Variants in FARSB observed in about 807,000 individuals in gnomAD.
FARSB encodes phenylalanine--tRNA ligase beta subunit.
Under a neutral mutation model 69.6 loss-of-function variants are expected in FARSB, and 40 were observed. That is an observed-to-expected ratio of 0.57 (90% CI 0.45 to 0.75). FARSB has a LOEUF of 0.75. FARSB is among the 30% of genes least tolerant of loss of function. The pLI, the probability that FARSB is intolerant of heterozygous loss-of-function variation, is 0.00. For synonymous variants in FARSB, 235 were observed against 247.2 expected (o/e 0.95, Z 0.46); for missense variants, 632 against 722.9 (o/e 0.87, Z 1.44).
intron 16 of FARSB, among the ~76,000 whole-genome samples, chr2:222,583,249 G>T (rs912444081): frequency 6.6e-6 from 1 of 152,150 alleles, no homozygotes; most frequent in Non-Finnish European, 1.5e-5. Flanking sequence ...TAGGAAAACT[G>T]ATTAGAAACA....
At chr2:222,592,034 A>G (rs1273699809) in intron 16 of FARSB, among the ~76,000 whole-genome samples, 1 of 152,248 alleles carries the variant, frequency 6.6e-6, no homozygotes, top group East Asian at 1.9e-4. Flanking sequence ...GCTGGATGGC[A>G]TCTTAATACT....
chr2:222,605,384 T>A (rs529556587), intron 15 of FARSB, among the ~76,000 whole-genome samples: 195 of 152,280 alleles, frequency 1.3e-3, no homozygotes, highest in African/African-American at 4.5e-3. Context: ...TGGAGTTCCA[T>A]TTTTGCTGTG....
intron 16 of FARSB, among the ~76,000 whole-genome samples, chr2:222,576,900 C>T (rs1157557798): frequency 1.3e-5 from 2 of 152,152 alleles, no homozygotes; most frequent in Admixed American, 1.3e-4. Flanking sequence ...GAAGAGACAG[C>T]ATATAGAGGC....
chr2:222,603,957 C>T (rs1164240227), intron 15 of FARSB, among the ~76,000 whole-genome samples: 3 of 151,898 alleles, frequency 2.0e-5, no homozygotes, highest in Non-Finnish European at 4.4e-5. Flanking sequence ...TGGCTCACGC[C>T]TGTAATCCCC....
At chr2:222,634,053 G>C (rs1053141796) in intron 6 of FARSB, among the ~76,000 whole-genome samples, 1 of 152,176 alleles carries the variant, frequency 6.6e-6, no homozygotes, top group African/African-American at 2.4e-5. Flanking sequence ...TAGACAGCTT[G>C]TAACAGTATT....
At chr2:222,628,776 T>C in intron 10 of FARSB, 61 bp downstream of exon 10, 2 of 1,147,318 alleles carry the variant, frequency 1.7e-6, no homozygotes, top group Admixed American at 3.6e-5. Context: ...ACATGAGTGC[T>C]CTATAGCCAT....
intron 6 of FARSB, 95 bp from the exon 7 acceptor site, chr2:222,633,402 G>A (rs1042346642): frequency 6.6e-6 from 4 of 607,274 alleles, no homozygotes; most frequent in East Asian, 6.8e-5. Context: ...AGAAGAGAAC[G>A]CCAGGTGTGG....
intron 13 of FARSB, among the ~76,000 whole-genome samples, chr2:222,620,935 G>A (rs1691118826): frequency 6.6e-6 from 1 of 152,192 alleles, no homozygotes; most frequent in African/African-American, 2.4e-5. Context: ...AGATCCTGAA[G>A]CCACATCCAG....
intron 16 of FARSB, among the ~76,000 whole-genome samples, chr2:222,578,568 G>A (rs888610567): frequency 7.9e-5 from 12 of 152,186 alleles, no homozygotes; most frequent in African/African-American, 2.4e-4. Flanking sequence ...GGCCGGGCAC[G>A]GTGGCTCACG....
intron 14 of FARSB, among the ~76,000 whole-genome samples, chr2:222,618,455 T>C (rs758184548): frequency 1.3e-5 from 2 of 152,196 alleles, no homozygotes; most frequent in East Asian, 1.9e-4. Flanking sequence ...AGATTCCCCT[T>C]GATTCTAGAA....
intron 5 of FARSB, among the ~76,000 whole-genome samples, 186 bp downstream of exon 5, chr2:222,639,394 T>C (rs1245953901): frequency 6.6e-6 from 1 of 152,146 alleles, no homozygotes; most frequent in African/African-American, 2.4e-5. Context: ...GAAATTCTCA[T>C]ATTCTGTCAC....
At chr2:222,629,966 C>T (rs1343461367) in intron 9 of FARSB, 147 bp downstream of exon 9, 4 of 588,790 alleles carry the variant, frequency 6.8e-6, no homozygotes, top group Non-Finnish European at 1.2e-5. Flanking sequence ...GTCTTGAACT[C>T]CTGGGCTCAA....
Position 222,568,468 on chromosome 2 carries a change from C to T in FARSB, c.*3403G>A, listed in dbSNP as rs187723399. 6.6e-6 allele frequency: 1 copy of T among 152,232 alleles called. No homozygotes were observed. Among genetic ancestry groups the T allele is most frequent in the East Asian group, 1.9e-4 (1 of 5,186 alleles). The allele number at this position is 152,232 out of a possible 1,614,324, so 9.4% of individuals were successfully genotyped here. A position where few individuals can be genotyped will look rare whatever the true frequency, so the allele number is the denominator to read the frequency against. ...TCTCTGAAACTCAACTGTTTTCACCCTACACATCAGGGAGAATTCCTACTC... is the reference window on the plus strand; with the variant it reads ...TCTCTGAAACTCAACTGTTTTCACCTTACACATCAGGGAGAATTCCTACTC... On this transcript the variant is annotated 3_prime_UTR_variant, in exon 17 of 17. Transcript: ENST00000281828. The surrounding 1 kb of genome is among the most constrained non-coding windows in gnomAD (Gnocchi z 4.3).
chr2:222,617,593 T>C (rs1183494916), intron 14 of FARSB, among the ~76,000 whole-genome samples: 1 of 152,180 alleles, frequency 6.6e-6, no homozygotes, highest in South Asian at 2.1e-4. Flanking sequence ...AAAATAAAAG[T>C]TGACAAAAGG....
chr2:222,607,903 C>T (rs1046282145), intron 15 of FARSB, among the ~76,000 whole-genome samples: 3 of 151,766 alleles, frequency 2.0e-5, no homozygotes, highest in Non-Finnish European at 2.9e-5. Context: ...GGAAAAAGTA[C>T]GTCCTTGTGG....
Position 222,571,613 on chromosome 2 carries a change from T to TGCTAGTGCATTTCTCCAGCACTCC in FARSB, c.*234_*257dup, listed in dbSNP as rs1689718532. ...GCCTTTCAGAACAGATCCTGCACTCTGCTAGTGCATTTCTCCAGCACTCCA... is the reference window on the plus strand; with the variant it reads ...GCCTTTCAGAACAGATCCTGCACTCTGCTAGTGCATTTCTCCAGCACTCCGCTAGTGCATTTCTCCAGCACTCCA... On this transcript the variant is annotated 3_prime_UTR_variant, in exon 17 of 17. Coordinates refer to ENST00000281828, the MANE Select transcript of FARSB (RefSeq NM_005687.5). 1 of 357,264 alleles carries TGCTAGTGCATTTCTCCAGCACTCC rather than the reference T, an allele frequency of 2.8e-6. No individual in the cohort carries two copies. Among genetic ancestry groups the TGCTAGTGCATTTCTCCAGCACTCC allele is most frequent in the Non-Finnish European group, 5.1e-6 (1 of 197,016 alleles). 22.1% of individuals were successfully genotyped at this position (357,264 alleles called of 1,614,324 possible). A position where few individuals can be genotyped will look rare whatever the true frequency, so the allele number is the denominator to read the frequency against.
intron 16 of FARSB, among the ~76,000 whole-genome samples, chr2:222,575,387 T>C (rs913959811): frequency 2.6e-5 from 4 of 152,242 alleles, no homozygotes; most frequent in Non-Finnish European, 5.9e-5. Context: ...ATGCTGTGTC[T>C]AGAAACATAA....
At chr2:222,587,451 G>C (rs1469236568) in intron 16 of FARSB, among the ~76,000 whole-genome samples, 5 of 152,148 alleles carry the variant, frequency 3.3e-5, no homozygotes, top group African/African-American at 1.2e-4. Context: ...AAAAGAACTA[G>C]AGAAGCAAGA....
intron 10 of FARSB, among the ~76,000 whole-genome samples, chr2:222,626,243 CAAAAAAAAAAAA>C (rs36117232): frequency 3.5e-5 from 2 of 56,972 alleles, no homozygotes; most frequent in African/African-American, 1.3e-4. Context: ...GACTCCATCT[CAAAAAAAAAAAA>C]AAAAAAAAAA....
Sources: gnomAD v4.1 joint callset for allele counts (sites outside exome capture counted in the v4.1 genomes callset) on GRCh38, gnomAD v4.1.1 for gene constraint, Gnocchi (gnomAD v3.1) non-coding constraint, MANE v1.5 for transcripts, NCBI Gene and HGNC (gene_info 2026-07-23, HGNC 2026-07-21) for gene names.